The following LARS2 variants were observed in gnomAD, a reference collection of about 807,000 sequenced individuals.
The protein encoded by LARS2 is leucyl-tRNA synthetase 2, mitochondrial.
Under a neutral mutation model 116.6 loss-of-function variants are expected in LARS2, and 81 were observed. The observed-to-expected ratio is 0.69, with a 90% CI of 0.58 to 0.84. LARS2 has a LOEUF of 0.84. LARS2 is among the 40% of genes least tolerant of loss of function. The probability of loss-of-function intolerance (pLI) is 0.00; values close to 1 mark genes in which losing one functional copy is unlikely to be tolerated. For missense variants in LARS2, 968 were observed against 1,114.5 expected (o/e 0.87, Z 1.87); for synonymous variants, 396 against 407.2 (o/e 0.97, Z 0.33).
At position 45,388,658 on chromosome 3, in the gene LARS2, CGCAGGCCAGAGCCTGTGAGCA is replaced by C. The variant is rs1169996322; in HGVS notation, c.-108_-88del. 5 of 152,386 alleles carry C rather than the reference CGCAGGCCAGAGCCTGTGAGCA, an allele frequency of 3.3e-5. No homozygotes were observed. The East Asian group carries it at 9.7e-4, about 29-fold the overall frequency. The allele number at this position is 152,386 out of a possible 1,614,324, so 9.4% of individuals were successfully genotyped here. On this transcript the variant is annotated splice_region_variant and 5_prime_UTR_variant, in exon 1 of 22. Transcript: ENST00000645846. ...GGTGGAGAACGAGGAGTAGAGGAGC[CGCAGGCCAGAGCCTGTGAGCA>C]GGTAAACCCCCGGACCGGGCGCAGC...
intron 12 of LARS2, among the ~76,000 whole-genome samples, 196 bp downstream of exon 12, chr3:45,489,008 T>C (rs930845507): frequency 3.3e-5 from 5 of 152,230 alleles, no homozygotes; most frequent in Non-Finnish European, 5.9e-5. Context: ...ATTCAGTCCT[T>C]GAATAGAATG....
At chr3:45,498,694 T>G (rs1405367273) in intron 14 of LARS2, among the ~76,000 whole-genome samples, 3 of 152,208 alleles carry the variant, frequency 2.0e-5, no homozygotes, top group Non-Finnish European at 4.4e-5. Flanking sequence ...TTTGCTTGAT[T>G]GGCTGACCTC....
chr3:45,433,306 C>G (rs1222088254), intron 6 of LARS2, among the ~76,000 whole-genome samples: 1 of 151,954 alleles, frequency 6.6e-6, no homozygotes, highest in East Asian at 1.9e-4. Context: ...TTTCTGGTAT[C>G]TCCTGTTTTT....
intron 4 of LARS2, among the ~76,000 whole-genome samples, chr3:45,403,034 G>A (rs989208160): frequency 1.3e-5 from 2 of 150,076 alleles, no homozygotes. Context: ...GAACCCGGGA[G>A]GCAGAGGTTG....
chr3:45,506,501 G>A lies in LARS2; in HGVS notation c.1760+5922G>A, dbSNP rs76262692. Among the ~76,000 whole-genome samples, 30 of 152,192 alleles carry A rather than the reference G, an allele frequency of 2.0e-4. No homozygotes were observed. In the East Asian group the frequency reaches 5.2e-3, roughly 26 times the overall value. ...GTATTTCTGAAATCTGTATAAATCA[G>A]GATTTCCTAGTCTAGTTCTGTATTC... On this transcript the variant is annotated intron_variant, in intron 15 of 21. Coordinates refer to ENST00000645846, the MANE Select transcript of LARS2 (RefSeq NM_015340.4).
chr3:45,514,452 C>T (rs1193928938), intron 16 of LARS2, among the ~76,000 whole-genome samples: 1 of 152,060 alleles, frequency 6.6e-6, no homozygotes. Context: ...TATAACGGTC[C>T]GTGGGAGAAA....
intron 20 of LARS2, among the ~76,000 whole-genome samples, chr3:45,539,253 AG>A (rs1400882499): frequency 1.3e-5 from 2 of 152,372 alleles, no homozygotes; most frequent in Non-Finnish European, 2.9e-5. Context: ...CTGATCTCAC[AG>A]GACGAAAAAA....
In LARS2 at chr3:45,488,744, G is replaced by A. The variant is rs372629611; in HGVS notation, c.1171G>A (p.Gly391Ser). The A allele has an allele frequency of 3.7e-6, 6 of 1,613,874 alleles. No homozygotes were observed. Among genetic ancestry groups the A allele is most frequent in the African/African-American group, 2.7e-5 (2 of 74,906 alleles). Residue 391 changes from glycine to serine, a missense_variant, in exon 12 of 22, where the codon GGC becomes AGC. Gly to Ser is a moderately conservative substitution (Grantham distance 56). Coordinates refer to ENST00000645846, the MANE Select transcript of LARS2 (RefSeq NM_015340.4). ...GGACACCATCTTAGCCCAAACCCTGGGCCTGGCCTACTCTGAAGTCATTGA... is the reference window on the plus strand; with the variant it reads ...GGACACCATCTTAGCCCAAACCCTGAGCCTGGCCTACTCTGAAGTCATTGA... ...SEDTILAQTL[G>S]LAYSEVIETL... is the part of the protein sequence containing the mutation.
At chr3:45,498,676 G>C (rs1700060889) in intron 14 of LARS2, among the ~76,000 whole-genome samples, 1 of 152,158 alleles carries the variant, frequency 6.6e-6, no homozygotes, top group Non-Finnish European at 1.5e-5. Context: ...GTCCTCCAAA[G>C]GCAAAGGTTT....
At chr3:45,515,191 T>C (rs1260267113) in intron 16 of LARS2, among the ~76,000 whole-genome samples, 1 of 152,206 alleles carries the variant, frequency 6.6e-6, no homozygotes, top group Non-Finnish European at 1.5e-5. Flanking sequence ...TCTTCTCTCT[T>C]TCTCAGCTCT....
intron 10 of LARS2, among the ~76,000 whole-genome samples, chr3:45,482,809 G>A (rs1037929026): frequency 1.3e-5 from 2 of 152,208 alleles, no homozygotes; most frequent in Admixed American, 6.5e-5. Context: ...TTGAGCATGT[G>A]TGAAAAGTCT....
rs1395217584 is a variant in LARS2, at chr3:45,491,786, C to T, written c.1509C>T (p.Asn503=). The T allele has an allele frequency of 6.2e-7, 1 of 1,613,874 alleles. No homozygotes were observed. Among genetic ancestry groups the T allele is most frequent in the East Asian group, 2.2e-5 (1 of 44,882 alleles). Residue 503 remains asparagine, a synonymous_variant, in exon 13 of 22, where the codon AAC becomes AAT. Transcript: ENST00000645846. The part of the protein sequence containing the change: ...PPLAMASEWV[N]CSCPRCKGAA... ...TGGCCATGGCTTCAGAGTGGGTGAA[C>T]TGCTCCTGCCCAAGGTAAGGAGCCA...
At chr3:45,469,116 C>T (rs536413548) in intron 8 of LARS2, among the ~76,000 whole-genome samples, 1 of 152,284 alleles carries the variant, frequency 6.6e-6, no homozygotes, top group East Asian at 1.9e-4. Context: ...TATTTCCCTG[C>T]TGGGTTAACA....
At chr3:45,463,673 A>T (rs1244686838) in intron 8 of LARS2, among the ~76,000 whole-genome samples, 1 of 148,624 alleles carries the variant, frequency 6.7e-6, no homozygotes, top group African/African-American at 2.5e-5. Flanking sequence ...GAATTCATTC[A>T]TTTTTTTTTT....
At chr3:45,476,370 G>T in intron 9 of LARS2, 98 bp from the exon 10 acceptor site, 2 of 1,287,562 alleles carry the variant, frequency 1.6e-6, no homozygotes, top group Admixed American at 1.7e-5. Flanking sequence ...GGTCACTGTT[G>T]GGGAATGAGG....
rs574010962 is a variant in LARS2, at chr3:45,504,429, A to G, written c.1760+3850A>G. Reference sequence around the variant, plus strand: ...TCTGCACATGCATGCATGGATTAAAAGAAGTCTACTGTACAGAAAATTAAT... The same window carrying G: ...TCTGCACATGCATGCATGGATTAAAGGAAGTCTACTGTACAGAAAATTAAT... On this transcript the variant is annotated intron_variant, in intron 15 of 21. Coordinates refer to ENST00000645846, the MANE Select transcript of LARS2 (RefSeq NM_015340.4). Among the ~76,000 whole-genome samples the G allele has an allele frequency of 3.9e-5, 6 of 152,196 alleles. No homozygotes were observed. In the South Asian group the frequency reaches 1.2e-3, roughly 32 times the overall value.
chr3:45,456,118 G>C (rs1226662001), intron 7 of LARS2, among the ~76,000 whole-genome samples: 1 of 152,064 alleles, frequency 6.6e-6, no homozygotes, highest in Admixed American at 6.6e-5. Flanking sequence ...ATAATGTTTT[G>C]TATATTTCGA....
At chr3:45,525,187 T>A (rs1700515230) in intron 20 of LARS2, among the ~76,000 whole-genome samples, 1 of 152,210 alleles carries the variant, frequency 6.6e-6, no homozygotes, top group Non-Finnish European at 1.5e-5. Context: ...AGGGTCCCCT[T>A]TTTTACAGTA....
rs552066394 is a variant in LARS2, at chr3:45,415,003, C to G, written c.364-2479C>G. 7.2e-4 allele frequency among the ~76,000 whole-genome samples: 109 copies of G among 152,280 alleles called. 1 individual carries two copies. The highest frequency in any genetic ancestry group is 2.3e-3 in the African/African-American group (95 of 41,556). On this transcript the variant is annotated intron_variant, in intron 4 of 21. Coordinates refer to ENST00000645846, the MANE Select transcript of LARS2 (RefSeq NM_015340.4). Reference sequence around the variant, plus strand: ...AGGGAGCCTGGCTTCCTGAGACTGTCCCCTGATGCCACAGCAGATGTGTCA... The same window carrying G: ...AGGGAGCCTGGCTTCCTGAGACTGTGCCCTGATGCCACAGCAGATGTGTCA...
Sources: gnomAD v4.1 joint callset for allele counts (sites outside exome capture counted in the v4.1 genomes callset) on GRCh38, gnomAD v4.1.1 for gene constraint, MANE v1.5 for transcripts, NCBI Gene and HGNC (gene_info 2026-07-23, HGNC 2026-07-21) for gene names.